The following CUX1 variants were observed in gnomAD, a reference collection of about 807,000 sequenced individuals.
The protein encoded by CUX1 is cut like homeobox 1.
CUX1 carries 31 observed loss-of-function variants against 158.8 expected under a neutral mutation model. That is an observed-to-expected ratio of 0.20 (90% CI 0.15 to 0.26). The LOEUF (loss-of-function observed/expected upper bound fraction) is 0.26. CUX1 is among the 10% of genes least tolerant of loss of function. CUX1 has a pLI of 1.00. For missense variants in CUX1, 1,589 were observed against 2,014.6 expected (o/e 0.79, Z 4.04); for synonymous variants, 879 against 862.1 (o/e 1.02, Z -0.34).
rs1354362318 is a variant in CUX1 at position 102,023,849 on chromosome 7, CGTGA to C, written c.142-4245_142-4242del. 7.2e-5 allele frequency among the ~76,000 whole-genome samples: 11 copies of C among 152,058 alleles called. No homozygotes were observed. The South Asian group carries it at 1.2e-3, about 17-fold the overall frequency. On this transcript the variant is annotated intron_variant, in intron 2 of 23. Coordinates refer to ENST00000292535, the MANE Select transcript of CUX1 (RefSeq NM_181552.4). ...AACTGTCTTTAAATATGTGTGCGTG[CGTGA>C]GTGTGTGTACAAACACACGTAGCTT...
At chr7:101,841,126 T>C (rs1019148033) in intron 1 of CUX1, among the ~76,000 whole-genome samples, 4 of 151,978 alleles carry the variant, frequency 2.6e-5, no homozygotes, top group South Asian at 2.1e-4. Context: ...ATCTCCTGAC[T>C]TTGTGATCCG....
chr7:101,940,242 G>GAAA (rs61429755), intron 2 of CUX1, among the ~76,000 whole-genome samples: 7 of 140,334 alleles, frequency 5.0e-5, no homozygotes, highest in South Asian at 2.3e-4. Context: ...CCTGTCTCAG[G>GAAA]AAAAAAAAAA....
chr7:102,097,419 G>A lies in CUX1; in HGVS notation c.324G>A (p.Leu108=), dbSNP rs1554484619. 9 of 1,613,856 alleles carry A rather than the reference G, an allele frequency of 5.6e-6. No homozygotes were observed. Among genetic ancestry groups the A allele is most frequent in the Non-Finnish European group, 7.6e-6 (9 of 1,179,978 alleles). Residue 108 remains leucine, a synonymous_variant, in exon 5 of 24, where the codon CTG becomes CTA. Coordinates refer to ENST00000292535, the MANE Select transcript of CUX1 (RefSeq NM_181552.4). The stretch of plus-strand genomic sequence containing the variant: ...AACTCCAGCTCAAAGTGCAGCGCCT[G>A]CACGATATTGAAACAGAGAACCAGA... ...GQQLQLKVQR[L]HDIETENQKL...
intron 1 of CUX1, among the ~76,000 whole-genome samples, chr7:101,877,813 C>T (rs1279765559): frequency 2.7e-5 from 4 of 146,470 alleles, no homozygotes; most frequent in East Asian, 2.0e-4. Flanking sequence ...TTTATTAAAG[C>T]GACACCATTG....
intron 20 of CUX1, among the ~76,000 whole-genome samples, chr7:102,223,374 A>C (rs1301083935): frequency 1.3e-5 from 2 of 152,146 alleles, no homozygotes; most frequent in Non-Finnish European, 2.9e-5. Context: ...TTGTGGGAGA[A>C]ATAGCACTCA....
intron 20 of CUX1, among the ~76,000 whole-genome samples, chr7:102,213,140 A>G (rs1040269401): frequency 2.0e-5 from 3 of 152,188 alleles, no homozygotes; most frequent in Non-Finnish European, 4.4e-5. Flanking sequence ...CACCACACCC[A>G]GCCAGATGTC....
intron 3 of CUX1, among the ~76,000 whole-genome samples, chr7:102,039,093 A>G (rs528607002): frequency 5.3e-5 from 8 of 152,142 alleles, no homozygotes; most frequent in African/African-American, 1.9e-4. Context: ...AGATTAATAA[A>G]GAAAAGCATA....
At chr7:101,966,744 C>G (rs772625752) in intron 2 of CUX1, among the ~76,000 whole-genome samples, 52 of 152,080 alleles carry the variant, frequency 3.4e-4, no homozygotes, top group Non-Finnish European at 6.9e-4. Context: ...TCTTGAGGGT[C>G]GTTACCCACG....
intron 20 of CUX1, among the ~76,000 whole-genome samples, chr7:102,223,908 G>A (rs1554527858): frequency 6.6e-6 from 1 of 152,176 alleles, no homozygotes; most frequent in African/African-American, 2.4e-5. Context: ...GGCGGAAGTT[G>A]CAGTGAGATC....
intron 3 of CUX1, among the ~76,000 whole-genome samples, chr7:102,068,397 G>C (rs1033675146): frequency 6.6e-6 from 1 of 152,088 alleles, no homozygotes; most frequent in African/African-American, 2.4e-5. Flanking sequence ...GATTACAGGC[G>C]TGAGCCACCA....
At chr7:102,111,306 A>G (rs1391356266) in intron 6 of CUX1, among the ~76,000 whole-genome samples, 1 of 152,186 alleles carries the variant, frequency 6.6e-6, no homozygotes, top group African/African-American at 2.4e-5. Context: ...TTATTCCAAC[A>G]AACTCCTTCA....
At chr7:102,040,373 T>A (rs1002669456) in intron 3 of CUX1, among the ~76,000 whole-genome samples, 1 of 152,106 alleles carries the variant, frequency 6.6e-6, no homozygotes, top group East Asian at 1.9e-4. Context: ...GTGCCAGGGC[T>A]CTGCAGGGAT....
chr7:102,159,198 A>G (rs143700209), intron 9 of CUX1, among the ~76,000 whole-genome samples: 44 of 149,534 alleles, frequency 2.9e-4, no homozygotes, highest in Admixed American at 2.1e-3. Context: ...TAGTGTAGAC[A>G]TCTCACCACG....
intron 2 of CUX1, among the ~76,000 whole-genome samples, chr7:101,935,575 T>C (rs957182976): frequency 6.6e-6 from 1 of 152,182 alleles, no homozygotes; most frequent in African/African-American, 2.4e-5. Flanking sequence ...CTGGGGAGGT[T>C]GGCATGGTAT....
rs55753644 is a variant in CUX1, at chr7:102,046,569, A to ATTTTTTTTTTTTTTTTTTT, written c.189+18433_189+18451dup. On this transcript the variant is annotated intron_variant, in intron 3 of 23. Transcript: ENST00000292535. ...CCTGTTCTGTTTTGGTTTGGTTTGG[A>ATTTTTTTTTTTTTTTTTTT]TTTTTTTTTTTTTTTTTTTTTTTTT... is the stretch of plus-strand genomic sequence containing the variant. Among the ~76,000 whole-genome samples, 87 of 55,474 alleles carry ATTTTTTTTTTTTTTTTTTT rather than the reference A, an allele frequency of 1.6e-3. 11 individuals carry two copies. The highest frequency in any genetic ancestry group is 1.7e-3 in the Non-Finnish European group (54 of 31,056). 36.4% of individuals were successfully genotyped at this position (55,474 alleles called of 152,430 possible).
intron 1 of CUX1, among the ~76,000 whole-genome samples, chr7:101,851,602 CCCGTTTTCTAGCAT>C (rs1402107217): frequency 6.6e-6 from 1 of 152,162 alleles, no homozygotes; most frequent in Non-Finnish European, 1.5e-5. Context: ...GATTTGGCTC[CCCGTTTTCTAGCAT>C]CCGTCAAGGG....
At chr7:102,018,491 C>T (rs1194890218) in intron 2 of CUX1, among the ~76,000 whole-genome samples, 2 of 152,192 alleles carry the variant, frequency 1.3e-5, no homozygotes, top group African/African-American at 2.4e-5. Flanking sequence ...AGGGAAGATC[C>T]AGCCCAGGGT....
At chr7:101,823,974 C>T (rs975108309) in intron 1 of CUX1, among the ~76,000 whole-genome samples, 1 of 152,184 alleles carries the variant, frequency 6.6e-6, no homozygotes, top group Non-Finnish European at 1.5e-5. Flanking sequence ...CTTTCCATTT[C>T]CCCCCAAAAG....
In CUX1 at chr7:102,245,987, A is replaced by G. The variant is rs1486703158; in HGVS notation, c.3888-2425A>G. Among the ~76,000 whole-genome samples the G allele has an allele frequency of 2.0e-5, 3 of 152,068 alleles. 1 individual carries two copies. The highest frequency in any genetic ancestry group is 1.3e-4 in the Admixed American group (2 of 15,274). ...ACTCCCTTCTCAAAAAAAAAAAAAA[A>G]TGAAAAATGAAATTTTCTTATTTCT... On this transcript the variant is annotated intron_variant, in intron 23 of 23. Coordinates refer to ENST00000292535, the MANE Select transcript of CUX1 (RefSeq NM_181552.4).
Sources: allele counts gnomAD v4.1 joint callset (sites outside exome capture counted in the v4.1 genomes callset), GRCh38; gene constraint gnomAD v4.1.1; transcripts MANE v1.5; gene names NCBI Gene and HGNC (gene_info 2026-07-23, HGNC 2026-07-21).